The following VGLL4 variants were observed in gnomAD, a reference collection of about 807,000 sequenced individuals.
VGLL4 encodes the protein transcription cofactor vestigial-like protein 4.
Under a neutral mutation model 21.0 loss-of-function variants are expected in VGLL4, and 7 were observed. The observed-to-expected ratio is 0.33, with a 90% CI of 0.19 to 0.63. The LOEUF (loss-of-function observed/expected upper bound fraction) is 0.63, where lower values mean the gene tolerates loss of function less well. Ranked by LOEUF, VGLL4 falls within the 20% of genes least tolerant of loss-of-function variation. The probability of loss-of-function intolerance (pLI) is 0.78; values close to 1 mark genes in which losing one functional copy is unlikely to be tolerated. For missense variants in VGLL4, 394 were observed against 425.7 expected (o/e 0.93, Z 0.66); for synonymous variants, 222 against 173.2 (o/e 1.28, Z -2.21).
chr3:11,562,552 G>A (rs2073115537), intron 3 of VGLL4, among the ~76,000 whole-genome samples: 1 of 152,232 alleles, frequency 6.6e-6, no homozygotes, highest in Non-Finnish European at 1.5e-5. Context: ...CTTCCAGGAA[G>A]AGACCTCGGA....
chr3:11,571,183 T>C (rs572537048), intron 2 of VGLL4, among the ~76,000 whole-genome samples: 1 of 152,138 alleles, frequency 6.6e-6, no homozygotes, highest in Non-Finnish European at 1.5e-5. Context: ...CTGGCTTCAA[T>C]AGCGGGGTCC....
intron 1 of VGLL4, among the ~76,000 whole-genome samples, chr3:11,641,234 T>A (rs1262330796): frequency 6.6e-6 from 1 of 151,960 alleles, no homozygotes; most frequent in African/African-American, 2.4e-5. Flanking sequence ...ACCATCCGCA[T>A]CTTAATTTTT....
intron 2 of VGLL4, among the ~76,000 whole-genome samples, chr3:11,665,101 CTTTTTTTTTTTTTTTTTT>C (rs59999510): frequency 1.0e-5 from 1 of 96,950 alleles, no homozygotes; most frequent in African/African-American, 4.9e-5. Flanking sequence ...GAATATTTTT[CTTTTTTTTTTTTTTTTTT>C]TTTTTTTTTT....
At position 11,639,916 on chromosome 3, in the gene VGLL4, G is replaced by A. The variant is rs533861156; in HGVS notation, c.82+3521C>T. Among the ~76,000 whole-genome samples, 6 of 152,114 alleles carry A rather than the reference G, an allele frequency of 3.9e-5. No individual in the cohort carries two copies. The East Asian group carries it at 1.2e-3, about 29-fold the overall frequency. ...GACATGAAATAATTCTGGAGAGGCA[G>A]CACGGCATAGAAGATTCATAGAAGA... On this transcript the variant is annotated intron_variant, in intron 1 of 4. Coordinates refer to ENST00000430365, the MANE Select transcript of VGLL4 (RefSeq NM_001128219.3).
At chr3:11,716,302 CAAA>C (rs554449676) in intron 1 of VGLL4, among the ~76,000 whole-genome samples, 5 of 61,008 alleles carry the variant, frequency 8.2e-5, no homozygotes, top group Non-Finnish European at 1.2e-4. Context: ...AACTCTGTCT[CAAA>C]AAAAAAAAAA....
chr3:11,594,635 C>G (rs2074588437), intron 2 of VGLL4, among the ~76,000 whole-genome samples: 1 of 152,192 alleles, frequency 6.6e-6, no homozygotes, highest in Non-Finnish European at 1.5e-5. Context: ...TACACTGCAC[C>G]CACTGTTTGC....
intron 2 of VGLL4, among the ~76,000 whole-genome samples, chr3:11,700,543 C>G (rs2076667180): frequency 6.6e-6 from 1 of 152,126 alleles, no homozygotes; most frequent in Non-Finnish European, 1.5e-5. Flanking sequence ...CCCTTCACCC[C>G]CAAAAACTCC....
intron 2 of VGLL4, among the ~76,000 whole-genome samples, chr3:11,567,688 C>T (rs140862901): frequency 1.3e-5 from 2 of 152,306 alleles, no homozygotes; most frequent in African/African-American, 4.8e-5. Flanking sequence ...GAAGACCTTC[C>T]GCGGAACGGA....
intron 2 of VGLL4, among the ~76,000 whole-genome samples, chr3:11,598,477 C>CCT (rs60076771): frequency 2.6e-5 from 4 of 151,256 alleles, no homozygotes; most frequent in Non-Finnish European, 5.9e-5. Flanking sequence ...TTTCTTTCTT[C>CCT]CTCTCTCTCT....
At chr3:11,667,366 T>A (rs2076141415) in intron 2 of VGLL4, among the ~76,000 whole-genome samples, 1 of 152,238 alleles carries the variant, frequency 6.6e-6, no homozygotes, top group South Asian at 2.1e-4. Context: ...TTCATACATG[T>A]TATCTGTTTA....
In VGLL4 at chr3:11,557,510, T is replaced by A. The variant is rs2072553220; in HGVS notation, c.*1046A>T. 6.6e-6 allele frequency: 1 copy of A among 152,574 alleles called. No homozygotes were observed. Among genetic ancestry groups the A allele is most frequent in the South Asian group, 2.1e-4 (1 of 4,836 alleles). 9.5% of individuals were successfully genotyped at this position (152,574 alleles called of 1,614,324 possible). On this transcript the variant is annotated 3_prime_UTR_variant, in exon 5 of 5. Coordinates refer to ENST00000430365, the MANE Select transcript of VGLL4 (RefSeq NM_001128219.3). Reference sequence around the variant, plus strand: ...AAACTCCAGCATCCCACACCGCAGCTGACCCACTGCTCATCGCGAGGGCCT... The same window carrying A: ...AAACTCCAGCATCCCACACCGCAGCAGACCCACTGCTCATCGCGAGGGCCT...
chr3:11,599,734 G>A (rs1419797839), intron 2 of VGLL4, among the ~76,000 whole-genome samples: 3 of 148,914 alleles, frequency 2.0e-5, no homozygotes, highest in Non-Finnish European at 4.4e-5. Flanking sequence ...TGCCTAGGCT[G>A]GTCTCGAACT....
intron 2 of VGLL4, among the ~76,000 whole-genome samples, chr3:11,673,788 T>C (rs1201506887): frequency 4.0e-5 from 6 of 151,624 alleles, no homozygotes; most frequent in African/African-American, 1.2e-4. Context: ...CCAAGGTGGG[T>C]GGATCACTTG....
chr3:11,611,479 C>T (rs866907866), intron 1 of VGLL4: 1 of 152,172 alleles, frequency 6.6e-6, no homozygotes, highest in Non-Finnish European at 1.5e-5. Flanking sequence ...TGAGTTAATA[C>T]ATTTCTGTTG....
intron 2 of VGLL4, among the ~76,000 whole-genome samples, chr3:11,566,919 C>T (rs769817733): frequency 6.6e-6 from 1 of 152,034 alleles, no homozygotes; most frequent in Non-Finnish European, 1.5e-5. Flanking sequence ...TATGGGTGAC[C>T]GTGTAAGAAA....
chr3:11,719,274 C>T lies in VGLL4; in HGVS notation c.-14+1120G>A, dbSNP rs894390358. The T allele has an allele frequency of 6.6e-6, 1 of 152,328 alleles. No individual in the cohort carries two copies. Among genetic ancestry groups the T allele is most frequent in the African/African-American group, 2.4e-5 (1 of 41,448 alleles). The allele number at this position is 152,328 out of a possible 1,614,324, so 9.4% of individuals were successfully genotyped here. ...CGCTTCCGCTCCCACCGGCGCCTCC[C>T]GAGCGGCCCGGCAAGGACCCGCCAC... On this transcript the variant is annotated intron_variant, in intron 1 of 5. Coordinates refer to the VGLL4 transcript ENST00000273038. This position sits in a 1 kb window ranked among gnomAD's most constrained non-coding sequence, Gnocchi z 4.0.
intron 2 of VGLL4, among the ~76,000 whole-genome samples, chr3:11,690,030 C>T (rs938548263): frequency 5.9e-5 from 9 of 152,168 alleles, no homozygotes; most frequent in African/African-American, 2.2e-4. Context: ...AGGATCCCTC[C>T]CCAGACACAG....
intron 2 of VGLL4, chr3:11,702,783 A>T: frequency 2.6e-6 from 1 of 386,302 alleles, no homozygotes; most frequent in Non-Finnish European, 4.6e-6. Context: ...GTTAAGTGCC[A>T]GTTAAAAGAC....
intron 2 of VGLL4, among the ~76,000 whole-genome samples, chr3:11,673,320 A>G (rs2076243303): frequency 1.3e-5 from 2 of 152,170 alleles, no homozygotes; most frequent in South Asian, 4.1e-4. Flanking sequence ...AAATAGTTCT[A>G]GAAAACAAAA....
Sources: gnomAD v4.1 joint callset for allele counts (sites outside exome capture counted in the v4.1 genomes callset) on GRCh38, gnomAD v4.1.1 for gene constraint, Gnocchi (gnomAD v3.1) non-coding constraint, MANE v1.5 for transcripts, NCBI Gene and HGNC (gene_info 2026-07-23, HGNC 2026-07-21) for gene names.